Variants in OSBPL6 observed in about 807,000 individuals in gnomAD.
OSBPL6 encodes oxysterol binding protein like 6, also known as oxysterol-binding protein-related protein 6.
In OSBPL6, 49 loss-of-function variants were observed where a neutral mutation model predicts 125.8. The ratio of observed to expected loss-of-function variants is 0.39; its 90% CI spans 0.31 to 0.49. OSBPL6 has a LOEUF of 0.49. OSBPL6 is among the 20% of genes least tolerant of loss of function. The probability of loss-of-function intolerance (pLI) is 0.88; values close to 1 mark genes in which losing one functional copy is unlikely to be tolerated. For missense variants in OSBPL6, 986 were observed against 1,135.4 expected, an observed-to-expected ratio of 0.87 and a Z score of 1.89; for synonymous variants, 394 against 391.8, an observed-to-expected ratio of 1.01 and a Z score of -0.07.
chr2:178,206,802 A>T (rs1250994937), intron 1 of OSBPL6, among the ~76,000 whole-genome samples: 4 of 152,052 alleles, frequency 2.6e-5, no homozygotes, highest in Non-Finnish European at 4.4e-5. Flanking sequence ...TTTAGTAGAG[A>T]TGGGGTTTCA....
At chr2:178,221,256 T>C (rs915951967) in intron 1 of OSBPL6, among the ~76,000 whole-genome samples, 1 of 152,174 alleles carries the variant, frequency 6.6e-6, no homozygotes, top group Non-Finnish European at 1.5e-5. Context: ...ATAAATTGAA[T>C]AAAAATAAAG....
chr2:178,288,470 A>C (rs185369677), intron 2 of OSBPL6, among the ~76,000 whole-genome samples: 1 of 152,260 alleles, frequency 6.6e-6, no homozygotes, highest in African/African-American at 2.4e-5. Context: ...GTTTTAGAAA[A>C]ATGAGTCGCC....
chr2:178,312,482 G>T (rs1401236220), intron 3 of OSBPL6, among the ~76,000 whole-genome samples: 1 of 146,778 alleles, frequency 6.8e-6, no homozygotes, highest in African/African-American at 2.5e-5. Flanking sequence ...TTGAGACAGA[G>T]TTTCGCTTTG....
chr2:178,313,919 T>C (rs1440488771), intron 3 of OSBPL6, among the ~76,000 whole-genome samples: 1 of 152,230 alleles, frequency 6.6e-6, no homozygotes, highest in Non-Finnish European at 1.5e-5. Context: ...GGAAACTCAT[T>C]ATAAGTAAAG....
At chr2:178,350,334 ATAG>A (rs1691137979) in intron 12 of OSBPL6, among the ~76,000 whole-genome samples, 1 of 152,162 alleles carries the variant, frequency 6.6e-6, no homozygotes, top group Non-Finnish European at 1.5e-5. Context: ...TGTTCTTAAG[ATAG>A]TATCTTCTCA....
chr2:178,285,754 A>G (rs1684640431), intron 2 of OSBPL6, among the ~76,000 whole-genome samples: 2 of 152,106 alleles, frequency 1.3e-5, no homozygotes, highest in Admixed American at 6.5e-5. Flanking sequence ...AAAGCTTTCT[A>G]TTTCTTCAAG....
chr2:178,213,056 C>G (rs1174915815), intron 1 of OSBPL6, among the ~76,000 whole-genome samples: 1 of 152,190 alleles, frequency 6.6e-6, no homozygotes, highest in Non-Finnish European at 1.5e-5. Context: ...ATCCGCCTGC[C>G]TCGGCCTCCC....
chr2:178,393,390 C>T (rs1020657107), intron 23 of OSBPL6, among the ~76,000 whole-genome samples: 1 of 152,150 alleles, frequency 6.6e-6, no homozygotes, highest in Non-Finnish European at 1.5e-5. Context: ...TAGCTCTGAA[C>T]TCATGATGTC....
chr2:178,206,181 G>A (rs1212002729), intron 1 of OSBPL6, among the ~76,000 whole-genome samples: 1 of 152,158 alleles, frequency 6.6e-6, no homozygotes, highest in African/African-American at 2.4e-5. Context: ...AAGAACTAAA[G>A]TATTTTCCAA....
chr2:178,384,221 A>G, intron 18 of OSBPL6, 45 bp downstream of exon 18: 1 of 1,590,234 alleles, frequency 6.3e-7, no homozygotes, highest in South Asian at 1.1e-5. Context: ...AGGTAAGAGG[A>G]CAGTTCGGTG....
chr2:178,266,187 G>A (rs982202192), intron 1 of OSBPL6, among the ~76,000 whole-genome samples: 2 of 152,178 alleles, frequency 1.3e-5, no homozygotes, highest in Non-Finnish European at 2.9e-5. Context: ...TGAGATTCAC[G>A]GGGCATGCTG....
intron 13 of OSBPL6, among the ~76,000 whole-genome samples, chr2:178,366,754 G>A (rs1002666384): frequency 2.6e-5 from 4 of 152,212 alleles, no homozygotes; most frequent in African/African-American, 9.6e-5. Flanking sequence ...AAAGTTGCAA[G>A]TGTATTTGTT....
At chr2:178,219,058 C>A (rs533077955) in intron 1 of OSBPL6, among the ~76,000 whole-genome samples, 2 of 152,074 alleles carry the variant, frequency 1.3e-5, no homozygotes, top group Non-Finnish European at 2.9e-5. Context: ...TGCTTTGACT[C>A]GATTCCCTTT....
chr2:178,362,382 A>G (rs1692437081), intron 13 of OSBPL6, among the ~76,000 whole-genome samples: 1 of 152,174 alleles, frequency 6.6e-6, no homozygotes, highest in South Asian at 2.1e-4. Flanking sequence ...ATTAATACTA[A>G]TCAAATCCCT....
intron 1 of OSBPL6, among the ~76,000 whole-genome samples, chr2:178,276,227 T>C (rs2092466072): frequency 6.6e-6 from 1 of 152,182 alleles, no homozygotes. Context: ...ATGCATTTCT[T>C]AAATATTTTT....
rs184809026 is a variant in OSBPL6 at position 178,392,071 on chromosome 2, T to C, written c.2447-341T>C. Among the ~76,000 whole-genome samples, 254 of 152,352 alleles carry C rather than the reference T, an allele frequency of 1.7e-3. 2 individuals are homozygous for C. The highest frequency in any genetic ancestry group is 1.5e-3 in the Non-Finnish European group (100 of 68,030). The stretch of plus-strand genomic sequence containing the variant: ...AGGAAGCAAACAAGTGTTTCTGGTG[T>C]ACTCTTAATGTTCATAGTTAATTGC... On this transcript the variant is annotated intron_variant, in intron 22 of 24. Transcript: ENST00000190611.
chr2:178,339,548 C>G (rs1237311680), intron 10 of OSBPL6, 124 bp from the exon 11 acceptor site: 1 of 559,682 alleles, frequency 1.8e-6, no homozygotes, highest in Non-Finnish European at 2.8e-6. Flanking sequence ...CCTTTCTGTC[C>G]TGGCTGGTTT....
intron 1 of OSBPL6, among the ~76,000 whole-genome samples, chr2:178,226,841 A>G (rs1296287735): frequency 6.6e-6 from 1 of 152,220 alleles, no homozygotes; most frequent in Non-Finnish European, 1.5e-5. Context: ...TTCTTAAGGC[A>G]CAAAAAGCAT....
intron 14 of OSBPL6, among the ~76,000 whole-genome samples, chr2:178,372,511 A>T (rs1456189677): frequency 6.6e-6 from 1 of 151,954 alleles, no homozygotes; most frequent in Non-Finnish European, 1.5e-5. Flanking sequence ...TTAATTTTCA[A>T]TGTCTGTCTC....
Sources: allele counts gnomAD v4.1 joint callset (sites outside exome capture counted in the v4.1 genomes callset), GRCh38; gene constraint gnomAD v4.1.1; transcripts MANE v1.5; gene names NCBI Gene and HGNC (gene_info 2026-07-23, HGNC 2026-07-21).